Variants in CLHC1 observed in about 807,000 individuals in gnomAD.
The protein encoded by CLHC1 is clathrin heavy chain linker domain-containing protein 1.
CLHC1 carries 72 observed loss-of-function variants against 69.5 expected under a neutral mutation model. That is an observed-to-expected ratio of 1.04 (90% confidence interval 0.86 to 1.26). The LOEUF (loss-of-function observed/expected upper bound fraction) is 1.26, where lower values mean the gene tolerates loss of function less well. CLHC1 is among the 50% of genes most tolerant of loss of function. CLHC1 has a pLI of 0.00. For synonymous variants in CLHC1, 223 were observed against 224.3 expected (o/e 0.99, Z 0.05); for missense variants, 790 against 679.3 (o/e 1.16, Z -1.81).
At chr2:55,188,839 A>G (rs1050130045) in intron 9 of CLHC1, among the ~76,000 whole-genome samples, 5 of 152,210 alleles carry the variant, frequency 3.3e-5, no homozygotes, top group African/African-American at 1.2e-4. Context: ...ATTATAAGCA[A>G]TAGTATAATT....
At chr2:55,216,327 T>C (rs777967054) in intron 4 of CLHC1, among the ~76,000 whole-genome samples, 2 of 151,850 alleles carry the variant, frequency 1.3e-5, no homozygotes, top group Non-Finnish European at 2.9e-5. Context: ...TAAAAATAAT[T>C]TATCCATCAG....
chr2:55,223,470 A>G (rs1168221156), intron 2 of CLHC1, among the ~76,000 whole-genome samples: 1 of 152,080 alleles, frequency 6.6e-6, no homozygotes, highest in African/African-American at 2.4e-5. Context: ...GCGCAGCCTC[A>G]GGGCACCTCC....
intron 9 of CLHC1, among the ~76,000 whole-genome samples, chr2:55,206,038 G>A (rs1672409417): frequency 6.6e-6 from 1 of 152,194 alleles, no homozygotes; most frequent in Non-Finnish European, 1.5e-5. Context: ...TTGATAGTGA[G>A]TACATGGGTG....
chr2:55,223,429 G>A (rs1365167451), intron 2 of CLHC1, among the ~76,000 whole-genome samples: 1 of 152,124 alleles, frequency 6.6e-6, no homozygotes, highest in Non-Finnish European at 1.5e-5. Context: ...GCGGCGGCCT[G>A]GCGGGGGCGA....
chr2:55,226,017 C>T (rs1380072571), intron 2 of CLHC1: 1 of 152,076 alleles, frequency 6.6e-6, no homozygotes, highest in African/African-American at 2.4e-5. Flanking sequence ...TGGTAAAACC[C>T]CGTCTCTACT....
intron 2 of CLHC1, among the ~76,000 whole-genome samples, chr2:55,226,698 C>G (rs1271864759): frequency 6.6e-6 from 1 of 152,244 alleles, no homozygotes; most frequent in Admixed American, 6.5e-5. Context: ...GTGGCACGAT[C>G]TCAGCTCACT....
At chr2:55,214,151 G>A (rs934519291) in intron 4 of CLHC1, among the ~76,000 whole-genome samples, 1 of 152,210 alleles carries the variant, frequency 6.6e-6, no homozygotes, top group African/African-American at 2.4e-5. Context: ...GAGAGCCTGA[G>A]TAAAATTTGA....
At chr2:55,195,264 T>C (rs894402362) in intron 9 of CLHC1, among the ~76,000 whole-genome samples, 4 of 152,194 alleles carry the variant, frequency 2.6e-5, no homozygotes, top group African/African-American at 9.7e-5. Flanking sequence ...GGATTCCACA[T>C]ATAAATGAGA....
At position 55,217,792 on chromosome 2, in the gene CLHC1, T is replaced by C; in HGVS notation, c.365+19A>G. 1 of 1,471,234 alleles carries C rather than the reference T, an allele frequency of 6.8e-7. No individual in the cohort carries two copies. Among genetic ancestry groups the C allele is most frequent in the Non-Finnish European group, 9.1e-7 (1 of 1,099,098 alleles). 91.1% of individuals were successfully genotyped at this position (1,471,234 alleles called of 1,614,324 possible). On this transcript the variant is annotated intron_variant, in intron 4 of 12. Coordinates refer to ENST00000401408, the MANE Select transcript of CLHC1 (RefSeq NM_152385.4). ...AAGCAACAACTACCATCTTTTGGGCTAGTTACTAAAATACTTACTTTGCTT... is the reference window on the plus strand; with the variant it reads ...AAGCAACAACTACCATCTTTTGGGCCAGTTACTAAAATACTTACTTTGCTT...
At chr2:55,193,667 A>G (rs1292989627) in intron 9 of CLHC1, among the ~76,000 whole-genome samples, 2 of 152,218 alleles carry the variant, frequency 1.3e-5, no homozygotes, top group African/African-American at 2.4e-5. Context: ...ACCCTTATAC[A>G]TTACTAGCAG....
At position 55,177,278 on chromosome 2, in the gene CLHC1, C is replaced by T. The variant is rs537524220; in HGVS notation, c.1564+324G>A. ...AATTAAAACATATAGTTTATATCTA[C>T]ATAACATTTAAAATACATATAAAAG... On this transcript the variant is annotated intron_variant, in intron 12 of 12. Transcript: ENST00000401408. Among the ~76,000 whole-genome samples, 10 of 152,256 alleles carry T rather than the reference C, an allele frequency of 6.6e-5. No individual in the cohort carries two copies. The East Asian group carries it at 1.9e-3, about 29-fold the overall frequency.
chr2:55,213,322 A>C (rs772091017), intron 4 of CLHC1, among the ~76,000 whole-genome samples: 39 of 152,088 alleles, frequency 2.6e-4, no homozygotes, highest in Non-Finnish European at 4.4e-4. Context: ...TGACTTCATC[A>C]CTTCAGTCTC....
At chr2:55,218,233 A>G (rs1386296540) in intron 3 of CLHC1, 1 of 306,666 alleles carries the variant, frequency 3.3e-6, no homozygotes, top group Non-Finnish European at 5.9e-6. Context: ...TGAGAGAAAA[A>G]AAGGCCATTT....
rs11347337 is a variant in CLHC1, at chr2:55,172,701, T to TA, written c.*3088dup. Among the ~76,000 whole-genome samples, 180 of 143,056 alleles carry TA rather than the reference T, an allele frequency of 1.3e-3. No homozygotes were observed. Among genetic ancestry groups the TA allele is most frequent in the East Asian group, 4.1e-3 (20 of 4,908 alleles). 93.9% of individuals were successfully genotyped at this position (143,056 alleles called of 152,430 possible). ...GAGCTTTCTATGAAATGTACAAAGTTAAAAAAAAAAAAAAAGGCCTCTGCT... is the reference window on the plus strand; with the variant it reads ...GAGCTTTCTATGAAATGTACAAAGTTAAAAAAAAAAAAAAAAGGCCTCTGCT... On this transcript the variant is annotated 3_prime_UTR_variant, in exon 13 of 13. Transcript: ENST00000401408.
At chr2:55,206,054 G>A (rs889461093) in intron 9 of CLHC1, among the ~76,000 whole-genome samples, 14 of 152,152 alleles carry the variant, frequency 9.2e-5, no homozygotes, top group African/African-American at 2.9e-4. Flanking sequence ...GGGTGTTAAT[G>A]TTTCTCCATA....
At chr2:55,191,671 G>C (rs1044380677) in intron 9 of CLHC1, among the ~76,000 whole-genome samples, 1 of 151,962 alleles carries the variant, frequency 6.6e-6, no homozygotes, top group Non-Finnish European at 1.5e-5. Flanking sequence ...GTAAGTTAAA[G>C]ATACAATCTA....
At chr2:55,191,984 C>T (rs1380850649) in intron 9 of CLHC1, among the ~76,000 whole-genome samples, 10 of 152,030 alleles carry the variant, frequency 6.6e-5, no homozygotes, top group Non-Finnish European at 1.2e-4. Context: ...TGCACTCCAG[C>T]CTGGGCAACA....
intron 9 of CLHC1, among the ~76,000 whole-genome samples, chr2:55,185,672 G>A (rs1670351336): frequency 6.6e-6 from 1 of 152,140 alleles, no homozygotes; most frequent in Non-Finnish European, 1.5e-5. Flanking sequence ...TGAATGAGCT[G>A]GCTCCACACT....
intron 9 of CLHC1, among the ~76,000 whole-genome samples, chr2:55,188,884 TATA>T (rs1670665879): frequency 6.6e-6 from 1 of 152,224 alleles, no homozygotes; most frequent in African/African-American, 2.4e-5. Context: ...ATATATGCAG[TATA>T]ATTCAATTCA....
Sources: allele counts gnomAD v4.1 joint callset (sites outside exome capture counted in the v4.1 genomes callset), GRCh38; gene constraint gnomAD v4.1.1; transcripts MANE v1.5; gene names NCBI Gene and HGNC (gene_info 2026-07-23, HGNC 2026-07-21).